The following MFSD8 variants were observed in gnomAD, a reference collection of about 807,000 sequenced individuals.
The protein encoded by MFSD8 is major facilitator superfamily domain containing 8.
A neutral mutation model predicts 66.4 loss-of-function variants in MFSD8; 55 were observed. The ratio of observed to expected loss-of-function variants is 0.83; its 90% CI spans 0.67 to 1.04. The LOEUF is 1.04. MFSD8 is among the 50% of genes least tolerant of loss of function. The pLI, the probability that MFSD8 is intolerant of heterozygous loss-of-function variation, is 0.00. For synonymous variants in MFSD8, 202 were observed against 212.8 expected (o/e 0.95, Z 0.44); for missense variants, 550 against 627.6 (o/e 0.88, Z 1.32).
chr4:127,930,556 T>C, intron 9 of MFSD8, 127 bp downstream of exon 9: 1 of 1,062,644 alleles, frequency 9.4e-7, no homozygotes, highest in African/African-American at 1.6e-5. Flanking sequence ...AATCTCTTAA[T>C]AAATTGTAAA....
intron 1 of MFSD8, among the ~76,000 whole-genome samples, chr4:127,959,382 C>G (rs191402944): frequency 1.3e-5 from 2 of 151,984 alleles, no homozygotes; most frequent in Non-Finnish European, 2.9e-5. Context: ...GCATATGGCT[C>G]CTGGTTTTTT....
intron 9 of MFSD8, among the ~76,000 whole-genome samples, chr4:127,922,370 C>A (rs1736462068): frequency 1.3e-5 from 2 of 152,124 alleles, no homozygotes; most frequent in Admixed American, 1.3e-4. Flanking sequence ...ACACCTATAA[C>A]CCCAGTACTT....
intron 1 of MFSD8, 80 bp downstream of exon 1, chr4:127,964,992 C>A: frequency 6.5e-7 from 1 of 1,533,296 alleles, no homozygotes; most frequent in South Asian, 1.2e-5. Flanking sequence ...AGGGTTTGTC[C>A]CAGTGCGGGT....
At chr4:127,961,031 C>T (rs1441655043) in intron 1 of MFSD8, among the ~76,000 whole-genome samples, 1 of 152,102 alleles carries the variant, frequency 6.6e-6, no homozygotes, top group Non-Finnish European at 1.5e-5. Flanking sequence ...TGTTTTCCAA[C>T]CCCTGTTGTC....
chr4:127,940,077 G>T, intron 5 of MFSD8, 80 bp from the exon 6 acceptor site: 1 of 1,286,578 alleles, frequency 7.8e-7, no homozygotes, highest in South Asian at 1.2e-5. Context: ...ATTTACAACA[G>T]AATTGGGAAC....
In MFSD8 at chr4:127,961,585, C is replaced by T. The variant is rs939400172; in HGVS notation, c.62+3487G>A. 3.4e-4 allele frequency among the ~76,000 whole-genome samples: 52 copies of T among 151,918 alleles called. 1 individual carries two copies. The highest frequency in any genetic ancestry group is 2.0e-3 in the Admixed American group (30 of 15,236). On this transcript the variant is annotated intron_variant, in intron 1 of 11. Transcript: ENST00000641686. ...ATCCCAGCACTTTGGGAGGCCGAGG[C>T]GGGCGGATCACGAGGTCAGGAGATC... is the stretch of plus-strand genomic sequence containing the variant.
At chr4:127,943,044 G>C (rs1022792940) in intron 4 of MFSD8, among the ~76,000 whole-genome samples, 1 of 151,866 alleles carries the variant, frequency 6.6e-6, no homozygotes, top group Non-Finnish European at 1.5e-5. Flanking sequence ...TGGTGAAACT[G>C]CGTCTCTACT....
In MFSD8 at chr4:127,921,720, C is replaced by G; in HGVS notation, c.1154G>C (p.Gly385Ala). The G allele has an allele frequency of 1.9e-6, 3 of 1,613,956 alleles. No homozygotes were observed. In the East Asian group the frequency reaches 6.7e-5, roughly 36 times the overall value. ...PNTTFGEIII[G>A]LWKSPMEDDN... ...ATCTTCCATTGGAGACTTCCAAAGA[C>G]CAATAATAATTTCCCCAAATGTGGT... The change falls in exon 11 of 12, where the codon GGT (glycine) becomes GCT (alanine). Residue 385 changes from glycine (G) to alanine (A), a missense_variant. Coordinates refer to ENST00000641686, the MANE Select transcript of MFSD8 (RefSeq NM_001371596.2).
intron 7 of MFSD8, among the ~76,000 whole-genome samples, chr4:127,935,387 C>T (rs936963872): frequency 3.3e-5 from 5 of 152,156 alleles, no homozygotes; most frequent in Non-Finnish European, 2.9e-5. Context: ...AGAAATGTTG[C>T]ATCCTAGACT....
chr4:127,941,917 A>T, intron 5 of MFSD8, 128 bp downstream of exon 5: 2 of 577,448 alleles, frequency 3.5e-6, no homozygotes, highest in South Asian at 1.9e-5. Flanking sequence ...TTCCTGGATT[A>T]AAAAAAAAAT....
At chr4:127,940,516 G>GTATATATATATATA (rs67791219) in intron 5 of MFSD8, among the ~76,000 whole-genome samples, 95 of 138,206 alleles carry the variant, frequency 6.9e-4, no homozygotes, top group African/African-American at 1.8e-3. Context: ...TCTGTATATG[G>GTATATATATATATA]TATATATATA....
chr4:127,949,835 A>C lies in MFSD8; in HGVS notation c.167T>G (p.Val56Gly). Residue 56 changes from valine (V) to glycine (G), a missense_variant, in exon 3 of 12, where the codon GTG becomes GGG. By Grantham distance (109) the Val-to-Gly change is moderately radical. Transcript: ENST00000641686. ...GAGATATGGCCATATGGACATCATC[A>C]CTACAGAAAACCCTGTGAAGAAGCA... ...MFLSSVGFSV[V>G]MMSIWPYLQK... 6.2e-7 allele frequency: 1 copy of C among 1,611,070 alleles called. No homozygotes were observed.
chr4:127,921,735 C>T lies in MFSD8; in HGVS notation c.1139G>A (p.Gly380Glu), dbSNP rs757306822. 6.2e-7 allele frequency: 1 copy of T among 1,614,086 alleles called. No individual in the cohort carries two copies. The highest frequency in any genetic ancestry group is 1.1e-5 in the South Asian group (1 of 91,078). ...CTTCCAAAGACCAATAATAATTTCC[C>T]CAAATGTGGTATTAGGGATTGAATT... Reference protein sequence around the residue: ...HNNSIPNTTFGEIIIGLWKSP... With the variant: ...HNNSIPNTTFEEIIIGLWKSP... The change falls in exon 11 of 12, where the codon GGG becomes GAG. Residue 380 changes from glycine to glutamate, a missense_variant. Transcript: ENST00000641686.
chr4:127,921,409 A>T, intron 11 of MFSD8, 115 bp downstream of exon 11: 1 of 1,543,488 alleles, frequency 6.5e-7, no homozygotes, highest in South Asian at 1.1e-5. Context: ...TTAAATGCTG[A>T]ATATGATAAA....
intron 2 of MFSD8, among the ~76,000 whole-genome samples, chr4:127,951,955 C>G (rs1742047526): frequency 2.0e-5 from 3 of 151,804 alleles, no homozygotes. Flanking sequence ...GTCTCAATCT[C>G]CTGACCTTGC....
In MFSD8 at chr4:127,932,974, A is replaced by G; in HGVS notation, c.863+11T>C. On this transcript the variant is annotated intron_variant, in intron 8 of 11. Transcript: ENST00000641686. ...ATAATCTGATTCAGATGAAGATGGA[A>G]TAAAACTTACGTTTCAAAAAGGGCA... The G allele has an allele frequency of 6.3e-7, 1 of 1,594,848 alleles. No individual in the cohort carries two copies. The highest frequency in any genetic ancestry group is 8.6e-7 in the Non-Finnish European group (1 of 1,162,684).
At chr4:127,947,712 A>T (rs1741291052) in intron 3 of MFSD8, among the ~76,000 whole-genome samples, 1 of 152,096 alleles carries the variant, frequency 6.6e-6, no homozygotes, top group Non-Finnish European at 1.5e-5. Context: ...AGAGAGGAAA[A>T]GCATTCCAGT....
intron 5 of MFSD8, among the ~76,000 whole-genome samples, chr4:127,940,206 T>C (rs549076147): frequency 2.0e-5 from 3 of 151,978 alleles, no homozygotes; most frequent in Non-Finnish European, 4.4e-5. Context: ...GATATACATA[T>C]GGTACATAAA....
chr4:127,920,536 G>T lies in MFSD8; in HGVS notation c.*94C>A. The T allele has an allele frequency of 1.6e-6, 2 of 1,228,372 alleles. No homozygotes were observed. Among genetic ancestry groups the T allele is most frequent in the South Asian group, 1.2e-5 (1 of 82,926 alleles). The allele number at this position is 1,228,372 out of a possible 1,614,324, so 76.1% of individuals were successfully genotyped here. A position where few individuals can be genotyped will look rare whatever the true frequency, so the allele number is the denominator to read the frequency against. On this transcript the variant is annotated 3_prime_UTR_variant, in exon 12 of 12. Coordinates refer to ENST00000641686, the MANE Select transcript of MFSD8 (RefSeq NM_001371596.2). ...TCAAAATCTGCAATATCTGTAGTCT[G>T]ATTCTTGGAGACTGGCTCACCGCAA...
Sources: gnomAD v4.1 joint callset for allele counts (sites outside exome capture counted in the v4.1 genomes callset) on GRCh38, gnomAD v4.1.1 for gene constraint, MANE v1.5 for transcripts, NCBI Gene and HGNC (gene_info 2026-07-23, HGNC 2026-07-21) for gene names.